The following ADGRA1 variants were observed in gnomAD, a reference collection of about 807,000 sequenced individuals.
The protein encoded by ADGRA1 is G-protein coupled receptor 123.
Under a neutral mutation model 21.3 loss-of-function variants are expected in ADGRA1, and 12 were observed. The ratio of observed to expected loss-of-function variants is 0.56; its 90% confidence interval spans 0.36 to 0.91. The LOEUF (loss-of-function observed/expected upper bound fraction) is 0.91. Ranked by LOEUF, ADGRA1 falls within the 40% of genes least tolerant of loss-of-function variation. The pLI, the probability that ADGRA1 is intolerant of heterozygous loss-of-function variation, is 0.01. For missense variants in ADGRA1, 790 were observed against 805.6 expected, an observed-to-expected ratio of 0.98 and a Z score of 0.23; for synonymous variants, 385 against 368.8, an observed-to-expected ratio of 1.04 and a Z score of -0.50.
At chr10:133,109,088 T>G (rs1370594413) in intron 5 of ADGRA1, among the ~76,000 whole-genome samples, 1 of 47,632 alleles carries the variant, frequency 2.1e-5, no homozygotes, top group African/African-American at 8.0e-5. Flanking sequence ...GCCCCACCCC[T>G]GCCCCTCATA....
At chr10:133,090,472 A>C (rs543344156) in intron 2 of ADGRA1, among the ~76,000 whole-genome samples, 1 of 152,344 alleles carries the variant, frequency 6.6e-6, no homozygotes, top group South Asian at 2.1e-4. Flanking sequence ...GCACCTGAGA[A>C]AATCTCTGAA....
chr10:133,108,207 G>A (rs11101935), intron 5 of ADGRA1, among the ~76,000 whole-genome samples: 2,915 of 152,352 alleles, frequency 0.019, 39 homozygotes, highest in Non-Finnish European at 0.027. Context: ...GTGCAGGCAT[G>A]GTTGTAGGTT....
chr10:133,111,340 A>G lies in ADGRA1; in HGVS notation c.401+8498A>G, dbSNP rs1345370271. On this transcript the variant is annotated intron_variant, in intron 5 of 6. Coordinates refer to ENST00000392607, the MANE Select transcript of ADGRA1 (RefSeq NM_001083909.3). ...CCTAATCCCACCAGACCACCTGCCC[A>G]CCACAGGCACCTCCCTCCTAATCCC... Among the ~76,000 whole-genome samples, 80 of 68,616 alleles carry G rather than the reference A, an allele frequency of 1.2e-3. 3 individuals carry two copies. Among genetic ancestry groups the G allele is most frequent in the South Asian group, 4.2e-3 (6 of 1,438 alleles). 45.0% of individuals were successfully genotyped at this position (68,616 alleles called of 152,430 possible). A position where few individuals can be genotyped will look rare whatever the true frequency, so the allele number is the denominator to read the frequency against.
chr10:133,096,227 C>T (rs1043991483), intron 2 of ADGRA1, among the ~76,000 whole-genome samples: 23 of 152,206 alleles, frequency 1.5e-4, no homozygotes, highest in African/African-American at 5.3e-4. Context: ...GAAGCCCCCT[C>T]CCCAGCCTGT....
intron 5 of ADGRA1, among the ~76,000 whole-genome samples, chr10:133,117,418 A>G (rs1852180021): frequency 6.6e-6 from 1 of 152,220 alleles, no homozygotes; most frequent in African/African-American, 2.4e-5. Context: ...AGCCCCACAG[A>G]GGCCAAGCGC....
At chr10:133,103,438 T>TG (rs1851835527) in intron 5 of ADGRA1, among the ~76,000 whole-genome samples, 1 of 152,206 alleles carries the variant, frequency 6.6e-6, no homozygotes, top group Non-Finnish European at 1.5e-5. Flanking sequence ...CCAGTGTCTC[T>TG]GCTGTGTGAG....
chr10:133,102,848 G>A lies in ADGRA1; in HGVS notation c.401+6G>A, dbSNP rs766739804. Reference sequence around the variant, plus strand: ...CCCAGGCAGCCCCTGCTCAGGTACTGAGTGCACATGGGCGCGAGGCCCCGC... The same window carrying A: ...CCCAGGCAGCCCCTGCTCAGGTACTAAGTGCACATGGGCGCGAGGCCCCGC... On this transcript the variant is annotated splice_donor_region_variant and intron_variant, in intron 5 of 6. Transcript: ENST00000392607. The A allele has an allele frequency of 1.9e-6, 3 of 1,600,778 alleles. No homozygotes were observed. The highest frequency in any genetic ancestry group is 2.6e-6 in the Non-Finnish European group (3 of 1,169,930).
At position 133,098,697 on chromosome 10, in the gene ADGRA1, G is replaced by A. The variant is rs147537446; in HGVS notation, c.189G>A (p.Ala63=). The part of the protein sequence containing the change: ...RHTLLNFCFH[A]ALTFTVFAGG... ...CGCTCCTGAATTTCTGCTTCCACGC[G>A]GCCCTGACCTTCACTGTGTTCGCCG... The change falls in exon 4 of 7, where the codon GCG becomes GCA. Residue 63 remains alanine, a synonymous_variant. Coordinates refer to ENST00000392607, the MANE Select transcript of ADGRA1 (RefSeq NM_001083909.3). The A allele has an allele frequency of 1.4e-4, 233 of 1,611,744 alleles. 1 individual carries two copies. The highest frequency in any genetic ancestry group is 4.0e-4 in the South Asian group (36 of 91,074).
Position 133,129,537 on chromosome 10 carries a change from T to C in ADGRA1, c.*26T>C, listed in dbSNP as rs754462183. 6 of 1,545,030 alleles carry C rather than the reference T, an allele frequency of 3.9e-6. No individual in the cohort carries two copies. In the East Asian group the frequency reaches 1.4e-4, roughly 35 times the overall value. On this transcript the variant is annotated 3_prime_UTR_variant, in exon 7 of 7. Coordinates refer to ENST00000392607, the MANE Select transcript of ADGRA1 (RefSeq NM_001083909.3). ...ATGGGGGCAGAGGACACGGTGTTCCTGGAGGAGCTTCAGAGCAGAGTGGGG... is the reference window on the plus strand; with the variant it reads ...ATGGGGGCAGAGGACACGGTGTTCCCGGAGGAGCTTCAGAGCAGAGTGGGG...
intron 5 of ADGRA1, among the ~76,000 whole-genome samples, chr10:133,120,195 G>C (rs544599798): frequency 1.3e-5 from 2 of 152,350 alleles, no homozygotes; most frequent in African/African-American, 4.8e-5. Context: ...CCTGAGGTCA[G>C]GAGTTCGAGA....
intron 5 of ADGRA1, among the ~76,000 whole-genome samples, chr10:133,111,342 C>T: frequency 1.0e-5 from 1 of 100,268 alleles, no homozygotes; most frequent in Non-Finnish European, 1.9e-5. Flanking sequence ...ACCTGCCCAC[C>T]ACAGGCACCT....
In ADGRA1 at chr10:133,094,526, G is replaced by A. The variant is rs12146255; in HGVS notation, c.4-2448G>A. ...CGGCCACAGCAGCCCCAGGGAGGCC[G>A]TGAGAGGACGCGTGAGGGCCCGGGG... On this transcript the variant is annotated intron_variant, in intron 2 of 6. Coordinates refer to ENST00000392607, the MANE Select transcript of ADGRA1 (RefSeq NM_001083909.3). 5.3e-3 allele frequency among the ~76,000 whole-genome samples: 800 copies of A among 152,304 alleles called. 8 individuals are homozygous for A. The highest frequency in any genetic ancestry group is 0.014 in the African/African-American group (572 of 41,578).
At position 133,127,085 on chromosome 10, in the gene ADGRA1, G is replaced by A. The variant is rs1056363615; in HGVS notation, c.402-148G>A. The A allele has an allele frequency of 1.1e-4, 50 of 464,668 alleles. 1 individual carries two copies. In the South Asian group the frequency reaches 1.7e-3, roughly 16 times the overall value. The allele number at this position is 464,668 out of a possible 1,614,324, so 28.8% of individuals were successfully genotyped here. A position where few individuals can be genotyped will look rare whatever the true frequency, so the allele number is the denominator to read the frequency against. On this transcript the variant is annotated intron_variant, in intron 5 of 6. Transcript: ENST00000392607. The stretch of plus-strand genomic sequence containing the variant: ...GCTGCTCGGTCAGTGGTCGGGGGTC[G>A]GGGGTCGGGGGTCGGGGTTCTTGGT...
intron 5 of ADGRA1, among the ~76,000 whole-genome samples, chr10:133,122,425 C>T (rs1348267182): frequency 1.3e-5 from 2 of 152,352 alleles, no homozygotes; most frequent in South Asian, 4.1e-4. Context: ...GCCGGCAGCA[C>T]TCAGGCTGGG....
chr10:133,100,897 G>A (rs1212511266), intron 4 of ADGRA1, among the ~76,000 whole-genome samples: 6 of 152,194 alleles, frequency 3.9e-5, no homozygotes, highest in African/African-American at 9.6e-5. Flanking sequence ...GACGCGTGAC[G>A]CCAGGCTCGG....
intron 5 of ADGRA1, among the ~76,000 whole-genome samples, chr10:133,118,834 C>T (rs1331352091): frequency 3.3e-5 from 5 of 152,032 alleles, no homozygotes; most frequent in African/African-American, 1.2e-4. Flanking sequence ...TGGAACTGAA[C>T]CTGTACCACC....
At chr10:133,113,670 G>A (rs1306356381) in intron 5 of ADGRA1, among the ~76,000 whole-genome samples, 2 of 151,926 alleles carry the variant, frequency 1.3e-5, no homozygotes, top group Non-Finnish European at 1.5e-5. Flanking sequence ...GCCTAAGGGC[G>A]GGCAGAGGTC....
At chr10:133,103,211 A>G (rs1851831015) in intron 5 of ADGRA1, among the ~76,000 whole-genome samples, 1 of 152,136 alleles carries the variant, frequency 6.6e-6, no homozygotes, top group Non-Finnish European at 1.5e-5. Flanking sequence ...GGGCTGGACA[A>G]GCCTCCTGTG....
chr10:133,109,582 A>G (rs536404681), intron 5 of ADGRA1, among the ~76,000 whole-genome samples: 1 of 151,896 alleles, frequency 6.6e-6, no homozygotes, highest in South Asian at 2.1e-4. Context: ...TCCTCCCTGC[A>G]CCTCAGCTTC....
Sources: gnomAD v4.1 joint callset for allele counts (sites outside exome capture counted in the v4.1 genomes callset) on GRCh38, gnomAD v4.1.1 for gene constraint, MANE v1.5 for transcripts, NCBI Gene and HGNC (gene_info 2026-07-23, HGNC 2026-07-21) for gene names.